The following FBXO42 variants were observed in gnomAD, a reference collection of about 807,000 sequenced individuals.
FBXO42 encodes F-box protein 42, also known as F-box only protein 42.
A neutral mutation model predicts 71.7 loss-of-function variants in FBXO42; 12 were observed. The ratio of observed to expected loss-of-function variants is 0.17; its 90% CI spans 0.11 to 0.27. The LOEUF is 0.27. Ranked by LOEUF, FBXO42 falls within the 10% of genes least tolerant of loss-of-function variation. FBXO42 has a pLI of 1.00. For synonymous variants in FBXO42, 325 were observed against 327.5 expected (o/e 0.99, Z 0.08); for missense variants, 707 against 911.9 (o/e 0.78, Z 2.89).
At chr1:16,305,311 C>T (rs1190703855) in intron 3 of FBXO42, among the ~76,000 whole-genome samples, 2 of 152,084 alleles carry the variant, frequency 1.3e-5, no homozygotes, top group African/African-American at 4.8e-5. Context: ...CTGCCTGAGC[C>T]GAGGAGGTCG....
chr1:16,269,330 C>T (rs1202427603), intron 4 of FBXO42, among the ~76,000 whole-genome samples: 1 of 151,850 alleles, frequency 6.6e-6, no homozygotes, highest in Non-Finnish European at 1.5e-5. Flanking sequence ...CGTGGGTGAT[C>T]TGCCTGCCTC....
intron 1 of FBXO42, among the ~76,000 whole-genome samples, chr1:16,347,562 T>C (rs938629704): frequency 6.6e-6 from 1 of 150,882 alleles, no homozygotes; most frequent in Admixed American, 6.6e-5. Context: ...AATTAAAAAG[T>C]AGAAATTTCA....
At chr1:16,272,555 G>A (rs760101539) in intron 4 of FBXO42, among the ~76,000 whole-genome samples, 3 of 152,002 alleles carry the variant, frequency 2.0e-5, no homozygotes, top group Admixed American at 6.6e-5. Flanking sequence ...CACCGTGCCC[G>A]GTGGGTCACT....
At chr1:16,318,310 C>G (rs916341645) in intron 1 of FBXO42, among the ~76,000 whole-genome samples, 8 of 151,942 alleles carry the variant, frequency 5.3e-5, no homozygotes, top group African/African-American at 1.9e-4. Flanking sequence ...CCCAGCTACT[C>G]GGGAGGCTGA....
At chr1:16,265,534 C>T (rs561372099) in intron 4 of FBXO42, among the ~76,000 whole-genome samples, 2 of 152,018 alleles carry the variant, frequency 1.3e-5, no homozygotes, top group East Asian at 3.9e-4. Flanking sequence ...CTAATTTAAT[C>T]ATTATAACCT....
intron 2 of FBXO42, among the ~76,000 whole-genome samples, chr1:16,306,685 A>G (rs2100558234): frequency 6.6e-6 from 1 of 152,150 alleles, no homozygotes; most frequent in South Asian, 2.1e-4. Flanking sequence ...TTAGTTTACA[A>G]TTGATTATGT....
At chr1:16,268,105 T>C (rs533004439) in intron 4 of FBXO42, among the ~76,000 whole-genome samples, 290 of 150,766 alleles carry the variant, frequency 1.9e-3, no homozygotes, top group African/African-American at 7.0e-3. Context: ...GATAATTTGT[T>C]AATTGCAGTT....
chr1:16,253,000 A>C lies in FBXO42; in HGVS notation c.921+96T>G. 1.9e-6 allele frequency: 2 copies of C among 1,047,308 alleles called. No homozygotes were observed. The highest frequency in any genetic ancestry group is 2.8e-6 in the Non-Finnish European group (2 of 715,050). The allele number at this position is 1,047,308 out of a possible 1,614,324, so 64.9% of individuals were successfully genotyped here. A position where few individuals can be genotyped will look rare whatever the true frequency, so the allele number is the denominator to read the frequency against. ...CATTCCTTAAATTAAAATGCCATGG[A>C]AATAGTCTTGTATACTCCTAGAAAA... On this transcript the variant is annotated intron_variant, in intron 8 of 9. Coordinates refer to ENST00000375592, the MANE Select transcript of FBXO42 (RefSeq NM_018994.3). The surrounding 1 kb of genome is among the most constrained non-coding windows in gnomAD (Gnocchi z 4.4).
At chr1:16,263,923 G>A (rs1223222649) in intron 4 of FBXO42, among the ~76,000 whole-genome samples, 1 of 148,968 alleles carries the variant, frequency 6.7e-6, no homozygotes. Flanking sequence ...CGATTCTCCT[G>A]GCTCAGCCTC....
At chr1:16,271,328 T>A (rs2081843574) in intron 4 of FBXO42, among the ~76,000 whole-genome samples, 1 of 150,690 alleles carries the variant, frequency 6.6e-6, no homozygotes, top group African/African-American at 2.4e-5. Flanking sequence ...TTGCCCAGGC[T>A]GGAGTGCAGT....
At chr1:16,338,878 G>A (rs1162450198) in intron 1 of FBXO42, among the ~76,000 whole-genome samples, 1 of 129,234 alleles carries the variant, frequency 7.7e-6, no homozygotes, top group African/African-American at 2.9e-5. Flanking sequence ...TGGCACAATC[G>A]CGGCTCACTG....
intron 2 of FBXO42, among the ~76,000 whole-genome samples, chr1:16,314,325 T>C (rs901671775): frequency 6.6e-5 from 10 of 152,164 alleles, no homozygotes; most frequent in Non-Finnish European, 1.5e-4. Flanking sequence ...TGACAAATGT[T>C]TTCAAGAAAG....
At chr1:16,328,093 T>C (rs1312403090) in intron 1 of FBXO42, among the ~76,000 whole-genome samples, 1 of 152,164 alleles carries the variant, frequency 6.6e-6, no homozygotes. Context: ...AGGTTTTCTA[T>C]AAAACTGGTA....
intron 5 of FBXO42, among the ~76,000 whole-genome samples, chr1:16,256,179 AT>A (rs1569810910): frequency 6.6e-6 from 1 of 152,206 alleles, no homozygotes; most frequent in Non-Finnish European, 1.5e-5. Context: ...TAAGTCTTCC[AT>A]TACAAGAAAC....
intron 1 of FBXO42, among the ~76,000 whole-genome samples, chr1:16,330,059 C>T (rs114073381): frequency 1.5e-3 from 231 of 152,352 alleles, no homozygotes; most frequent in African/African-American, 5.5e-3. Flanking sequence ...ACCTTCCTAA[C>T]TTGTCTCCAC....
intron 4 of FBXO42, among the ~76,000 whole-genome samples, chr1:16,275,345 C>T (rs1483518161): frequency 6.6e-6 from 1 of 152,078 alleles, no homozygotes; most frequent in Non-Finnish European, 1.5e-5. Flanking sequence ...ACATCAGGTG[C>T]GATGGCTCAT....
rs889371603 is a variant in FBXO42, at chr1:16,312,709, C to T, written c.250+2460G>A. Among the ~76,000 whole-genome samples the T allele has an allele frequency of 2.0e-5, 3 of 151,914 alleles. No homozygotes were observed. In the South Asian group the frequency reaches 6.2e-4, roughly 32 times the overall value. On this transcript the variant is annotated intron_variant, in intron 2 of 9. Transcript: ENST00000375592. Reference sequence around the variant, plus strand: ...CAGTATAGGTTCATCAATTTTAACACATGTACCACTCTGGTGGGGGATGTT... The same window carrying T: ...CAGTATAGGTTCATCAATTTTAACATATGTACCACTCTGGTGGGGGATGTT...
At chr1:16,323,194 G>T (rs2082421940) in intron 1 of FBXO42, among the ~76,000 whole-genome samples, 1 of 151,932 alleles carries the variant, frequency 6.6e-6, no homozygotes, top group African/African-American at 2.4e-5. Context: ...CAAGGCGGAG[G>T]AATCACAAGG....
intron 4 of FBXO42, among the ~76,000 whole-genome samples, chr1:16,275,679 CT>C (rs564814767): frequency 9.1e-4 from 139 of 152,234 alleles, no homozygotes; most frequent in African/African-American, 3.2e-3. Flanking sequence ...AGTTCATCTC[CT>C]CAAGGGGGAA....
Sources: allele counts gnomAD v4.1 joint callset (sites outside exome capture counted in the v4.1 genomes callset), GRCh38; gene constraint gnomAD v4.1.1; non-coding constraint Gnocchi (gnomAD v3.1); transcripts MANE v1.5; gene names NCBI Gene and HGNC (gene_info 2026-07-23, HGNC 2026-07-21).